UBR4: variants seen among roughly 807,000 people sequenced by gnomAD.
The protein encoded by UBR4 is E3 ubiquitin-protein ligase UBR4.
Under a neutral mutation model 575.6 loss-of-function variants are expected in UBR4, and 124 were observed. That is an observed-to-expected ratio of 0.22 (90% CI 0.19 to 0.25). UBR4 has a LOEUF of 0.25. Ranked by LOEUF, UBR4 falls within the 10% of genes least tolerant of loss-of-function variation. The pLI, the probability that UBR4 is intolerant of heterozygous loss-of-function variation, is 1.00. For missense variants in UBR4, 4,818 were observed against 6,478.8 expected, an observed-to-expected ratio of 0.74 and a Z score of 8.80; for synonymous variants, 2,455 against 2,473.7, an observed-to-expected ratio of 0.99 and a Z score of 0.22.
chr1:19,172,139 G>T (rs1357468200), intron 25 of UBR4, among the ~76,000 whole-genome samples: 3 of 152,142 alleles, frequency 2.0e-5, no homozygotes, highest in Non-Finnish European at 2.9e-5. Flanking sequence ...TGCAGTGTTT[G>T]TTATAGAAAG....
chr1:19,099,781 TTA>T (rs1242555501), intron 89 of UBR4, 104 bp from the exon 90 acceptor site: 6 of 930,056 alleles, frequency 6.5e-6, no homozygotes, highest in Non-Finnish European at 8.2e-6. Flanking sequence ...TTCACAATTT[TTA>T]TATGTCATGG....
In UBR4 at chr1:19,185,149, C is replaced by T. The variant is rs151169893; in HGVS notation, c.1888G>A (p.Ala630Thr). ...SPRVKSPSKQ[A>T]PGEKGNILAS... is the part of the protein sequence containing the mutation. Reference sequence around the variant, plus strand: ...AGAATGTTGCCCTTCTCACCAGGGGCCTGCTTACTGGGGCTTTTAACCCGA... The same window carrying T: ...AGAATGTTGCCCTTCTCACCAGGGGTCTGCTTACTGGGGCTTTTAACCCGA... Residue 630 changes from alanine (A) to threonine (T), a missense_variant, in exon 15 of 106, where the codon GCC becomes ACC. By Grantham distance (58) the Ala-to-Thr change is moderately conservative. Around this residue, in one of 29 missense-constraint regions of UBR4, gnomAD observed 1,172 missense variants for 1,259.7 expected, o/e 0.93. Transcript: ENST00000375254. 4 of 1,614,114 alleles carry T rather than the reference C, an allele frequency of 2.5e-6. No individual in the cohort carries two copies. Among genetic ancestry groups the T allele is most frequent in the African/African-American group, 1.3e-5 (1 of 75,028 alleles).
intron 8 of UBR4, among the ~76,000 whole-genome samples, chr1:19,194,411 C>T (rs989258089): frequency 1.3e-5 from 2 of 152,078 alleles, no homozygotes; most frequent in African/African-American, 4.8e-5. Context: ...TCATTTGCAC[C>T]CAGGGGTTTG....
intron 2 of UBR4, 145 bp from the exon 3 acceptor site, chr1:19,199,899 C>T: frequency 1.5e-6 from 1 of 670,790 alleles, no homozygotes; most frequent in Non-Finnish European, 2.6e-6. Context: ...TAAACAAAGG[C>T]ATTTTGACAT....
intron 81 of UBR4, 38 bp from the exon 82 acceptor site, chr1:19,107,004 G>A (rs766102642): frequency 3.1e-6 from 5 of 1,607,822 alleles, no homozygotes; most frequent in Admixed American, 3.4e-5. Flanking sequence ...GGGCGCTCAA[G>A]GGCACACCTG....
At position 19,113,981 on chromosome 1, in the gene UBR4, G is replaced by C. The variant is rs1391356585; in HGVS notation, c.11292C>G (p.Leu3764=). The C allele has an allele frequency of 6.2e-7, 1 of 1,614,236 alleles. No homozygotes were observed. The change falls in exon 76 of 106, where the codon CTC becomes CTG. Residue 3764 remains leucine, a synonymous_variant. Transcript: ENST00000375254. ...CTGGAGCTGCCTCATTCACTTTGCA[G>C]AGCAGGTTCTCCAGCTGTGGCCGGT... The part of the protein sequence containing the change: ...MGHRPQLENL[L]CKVNEAAPEK...
chr1:19,145,781 C>G lies in UBR4; in HGVS notation c.7945+12G>C. On this transcript the variant is annotated intron_variant, in intron 53 of 105. Transcript: ENST00000375254. ...CTTCATTACCAAGATTCAAATATCC[C>G]TTTTAACATACCTGGAAGGCAGGCA... is the stretch of plus-strand genomic sequence containing the variant. 1 of 1,613,396 alleles carries G rather than the reference C, an allele frequency of 6.2e-7. No individual in the cohort carries two copies. Among genetic ancestry groups the G allele is most frequent in the South Asian group, 1.1e-5 (1 of 91,006 alleles).
intron 23 of UBR4, 47 bp downstream of exon 23, chr1:19,173,392 C>T (rs2150946642): frequency 6.2e-7 from 1 of 1,612,660 alleles, no homozygotes; most frequent in East Asian, 2.2e-5. Flanking sequence ...CCAGTAAGCA[C>T]AAAGCACTTT....
intron 17 of UBR4, among the ~76,000 whole-genome samples, 177 bp from the exon 18 acceptor site, chr1:19,179,397 T>C (rs774060217): frequency 1.3e-5 from 2 of 152,102 alleles, no homozygotes; most frequent in Non-Finnish European, 2.9e-5. Context: ...GGTCAACAAA[T>C]GAGAAAAACA....
At chr1:19,114,994 TG>T in intron 74 of UBR4, 45 bp from the exon 75 acceptor site, 1 of 1,612,710 alleles carries the variant, frequency 6.2e-7, no homozygotes, top group Non-Finnish European at 8.5e-7. Flanking sequence ...CAAGGCTGGG[TG>T]GGGTGGGGGT....
Position 19,086,690 on chromosome 1 carries a change from C to T in UBR4, c.14676G>A (p.Leu4892=), listed in dbSNP as rs960211751. The change falls in exon 100 of 106, where the codon CTG becomes CTA. Residue 4892 remains leucine (L), a synonymous_variant. Coordinates refer to ENST00000375254, the MANE Select transcript of UBR4 (RefSeq NM_020765.3). ...GAGCCAGGGCCTACCTGACGGCAGCCAGATGGCAGTCGTAGTGCACAATGT... is the reference window on the plus strand; with the variant it reads ...GAGCCAGGGCCTACCTGACGGCAGCTAGATGGCAGTCGTAGTGCACAATGT... ...HFNIVHYDCH[L]AAVRLARGRE... The T allele has an allele frequency of 6.2e-7, 1 of 1,613,952 alleles. No individual in the cohort carries two copies. The highest frequency in any genetic ancestry group is 1.3e-5 in the African/African-American group (1 of 74,940).
intron 34 of UBR4, 25 bp from the exon 35 acceptor site, chr1:19,162,636 T>C (rs760759170): frequency 1.9e-6 from 3 of 1,591,130 alleles, no homozygotes; most frequent in Non-Finnish European, 2.6e-6. Context: ...CCACAGCAAC[T>C]TCAGATTCTC....
chr1:19,140,875 G>T lies in UBR4; in HGVS notation c.8506C>A (p.Leu2836Met). The change falls in exon 58 of 106, where the codon CTG becomes ATG. Residue 2836 changes from leucine (L) to methionine (M), a missense_variant. This residue lies in a region of UBR4 where 129 missense variants were observed against 198.4 expected (regional missense o/e 0.65). Coordinates refer to ENST00000375254, the MANE Select transcript of UBR4 (RefSeq NM_020765.3). ...GACAGTCCCAGGCTCTGCAGGCCCA[G>T]GGCACTGCTGCTGCTGCCTGGGAAA... is the stretch of plus-strand genomic sequence containing the variant. ...QDQQGSSSSALGLQSLGLSGQ... is the reference protein window; with the variant it reads ...QDQQGSSSSAMGLQSLGLSGQ... 1 of 1,610,588 alleles carries T rather than the reference G, an allele frequency of 6.2e-7. No homozygotes were observed.
rs1194528736 is a variant in UBR4 at position 19,128,210 on chromosome 1, C to T, written c.9111+1G>A. On this transcript the variant is annotated splice_donor_variant, in intron 62 of 105. Coordinates refer to ENST00000375254, the MANE Select transcript of UBR4 (RefSeq NM_020765.3). LOFTEE classifies it high-confidence loss of function. ...CACACAGTCTGCCTCTCAGATTTTA[C>T]CTTTTTATCCATACCCAACTCAGCA... is the stretch of plus-strand genomic sequence containing the variant. 1 of 1,613,698 alleles carries T rather than the reference C, an allele frequency of 6.2e-7. No individual in the cohort carries two copies.
In UBR4 at chr1:19,177,547, C is replaced by T. The variant is rs148677223; in HGVS notation, c.2551G>A (p.Val851Met). Residue 851 changes from valine to methionine, a missense_variant, in exon 19 of 106, where the codon GTG becomes ATG. By Grantham distance (21) the Val-to-Met change is conservative. This residue lies in a region of UBR4 where 1,172 missense variants were observed against 1,259.7 expected (regional missense o/e 0.93). Transcript: ENST00000375254. ...AGGAGGCGAGCCAAGATAAGCGGCA[C>T]GAAGCGCATCTGAGCATCCATGTTG... is the stretch of plus-strand genomic sequence containing the variant. ...SVNMDAQMRF[V>M]PLILARLLLI... The T allele has an allele frequency of 2.7e-5, 43 of 1,613,640 alleles. No homozygotes were observed. The highest frequency in any genetic ancestry group is 3.3e-4 in the Middle Eastern group (2 of 6,084).
At chr1:19,087,383 T>C (rs1425291659) in intron 99 of UBR4, among the ~76,000 whole-genome samples, 3 of 152,218 alleles carry the variant, frequency 2.0e-5, no homozygotes, top group African/African-American at 7.2e-5. Flanking sequence ...AAGTTCTGAT[T>C]TTCTCCCCAG....
intron 69 of UBR4, 129 bp downstream of exon 69, chr1:19,120,051 G>A: frequency 2.6e-6 from 3 of 1,154,804 alleles, no homozygotes; most frequent in Non-Finnish European, 3.7e-6. Context: ...AATCTCTAAA[G>A]CACAAGAGGA....
Position 19,210,107 on chromosome 1 carries a change from CCTT to C in UBR4, c.139_141del (p.Lys47del). On this transcript the variant is annotated inframe_deletion, in exon 1 of 106. Coordinates refer to ENST00000375254, the MANE Select transcript of UBR4 (RefSeq NM_020765.3). ...ACTGAGGCCACCAGCTGCGGCAACT[CCTT>C]CATCTCGAAGGCGGAGTAGGACGCG... The C allele has an allele frequency of 1.3e-6, 2 of 1,583,876 alleles. No individual in the cohort carries two copies. Among genetic ancestry groups the C allele is most frequent in the Non-Finnish European group, 1.7e-6 (2 of 1,167,890 alleles).
At chr1:19,201,637 T>C in intron 2 of UBR4, 81 bp downstream of exon 2, 2 of 1,280,892 alleles carry the variant, frequency 1.6e-6, no homozygotes, top group Non-Finnish European at 2.2e-6. Flanking sequence ...TTAACAACTT[T>C]TTCAGATACA....
Sources: allele counts gnomAD v4.1 joint callset (sites outside exome capture counted in the v4.1 genomes callset), GRCh38; gene constraint gnomAD v4.1.1; regional missense constraint gnomAD v4.1.1; transcripts MANE v1.5; gene names NCBI Gene and HGNC (gene_info 2026-07-23, HGNC 2026-07-21).